Variants in NUDCD3 observed in about 807,000 individuals in gnomAD.
The protein encoded by NUDCD3 is NudC domain containing 3.
NUDCD3 carries 13 observed loss-of-function variants against 39.7 expected under a neutral mutation model. The ratio of observed to expected loss-of-function variants is 0.33; its 90% CI spans 0.21 to 0.52. NUDCD3 has a LOEUF of 0.52. Ranked by LOEUF, NUDCD3 falls within the 20% of genes least tolerant of loss-of-function variation. The pLI is 0.96. For missense variants in NUDCD3, 453 were observed against 458.1 expected (o/e 0.99, Z 0.10); for synonymous variants, 175 against 172.4 (o/e 1.02, Z -0.12).
At chr7:44,444,981 C>T (rs527627434) in intron 2 of NUDCD3, among the ~76,000 whole-genome samples, 1 of 152,330 alleles carries the variant, frequency 6.6e-6, no homozygotes, top group East Asian at 1.9e-4. Context: ...ACCAAACTTG[C>T]CTTTCTGAAT....
chr7:44,480,517 A>G (rs530612520), intron 2 of NUDCD3, among the ~76,000 whole-genome samples: 7 of 152,190 alleles, frequency 4.6e-5, no homozygotes, highest in Non-Finnish European at 1.0e-4. Context: ...AAATATCTGT[A>G]TAAGTCAAGG....
chr7:44,413,932 G>A (rs569699317), intron 3 of NUDCD3, among the ~76,000 whole-genome samples: 107 of 152,064 alleles, frequency 7.0e-4, no homozygotes, highest in Non-Finnish European at 1.2e-3. Flanking sequence ...GTGCACGCTT[G>A]TAGTCCCAGC....
At chr7:44,401,185 C>G (rs117331767) in intron 4 of NUDCD3, among the ~76,000 whole-genome samples, 2,498 of 152,288 alleles carry the variant, frequency 0.016, 25 homozygotes, top group Non-Finnish European at 0.027. Flanking sequence ...CTCTCTGCAT[C>G]CACACGCTCA....
rs1353361825 is a variant in NUDCD3, at chr7:44,383,400, A to C, written c.*2611T>G. ...TTTTCTCCCCACTGGTCAAAATCTT[A>C]CAGGATTTCTAAAGCTGTATTGAGA... is the stretch of plus-strand genomic sequence containing the variant. On this transcript the variant is annotated 3_prime_UTR_variant, in exon 6 of 6. Coordinates refer to ENST00000355451, the MANE Select transcript of NUDCD3 (RefSeq NM_015332.4). 1.3e-5 allele frequency: 2 copies of C among 152,236 alleles called. No homozygotes were observed. The highest frequency in any genetic ancestry group is 2.9e-5 in the Non-Finnish European group (2 of 68,040). 9.4% of individuals were successfully genotyped at this position (152,236 alleles called of 1,614,324 possible).
intron 2 of NUDCD3, among the ~76,000 whole-genome samples, chr7:44,451,893 C>G (rs1428985640): frequency 2.6e-5 from 4 of 151,972 alleles, no homozygotes; most frequent in African/African-American, 9.7e-5. Flanking sequence ...AGAGAAAAAA[C>G]AAAACAAAGT....
intron 2 of NUDCD3, among the ~76,000 whole-genome samples, chr7:44,436,836 C>A (rs1052459986): frequency 1.3e-5 from 2 of 152,076 alleles, no homozygotes; most frequent in Non-Finnish European, 2.9e-5. Flanking sequence ...TTTACAAATT[C>A]TTTCTAGTTA....
intron 2 of NUDCD3, among the ~76,000 whole-genome samples, chr7:44,451,068 A>C (rs1772423610): frequency 6.6e-6 from 1 of 152,234 alleles, no homozygotes; most frequent in South Asian, 2.1e-4. Flanking sequence ...CAATAGCTGA[A>C]AGGTGGAAGG....
chr7:44,465,262 T>A (rs939545871), intron 2 of NUDCD3, among the ~76,000 whole-genome samples: 1 of 152,174 alleles, frequency 6.6e-6, no homozygotes, highest in Non-Finnish European at 1.5e-5. Flanking sequence ...CACATCATTC[T>A]CCCGTAATTC....
intron 2 of NUDCD3, among the ~76,000 whole-genome samples, chr7:44,470,937 A>T (rs530737160): frequency 1.3e-5 from 2 of 152,364 alleles, no homozygotes; most frequent in African/African-American, 4.8e-5. Context: ...GTTACTGAAG[A>T]GTGGCATTCA....
intron 1 of NUDCD3, among the ~76,000 whole-genome samples, chr7:44,488,590 C>G (rs1800666629): frequency 6.6e-6 from 1 of 152,148 alleles, no homozygotes; most frequent in East Asian, 1.9e-4. Flanking sequence ...ATTCCAATAG[C>G]CTATGGGCAG....
intron 3 of NUDCD3, among the ~76,000 whole-genome samples, chr7:44,407,421 C>T (rs1351026068): frequency 6.6e-6 from 1 of 151,812 alleles, no homozygotes; most frequent in Non-Finnish European, 1.5e-5. Context: ...CAAAATTAGC[C>T]AGGCGTGGTG....
chr7:44,482,088 T>C (rs751874663), intron 2 of NUDCD3, among the ~76,000 whole-genome samples: 1 of 152,230 alleles, frequency 6.6e-6, no homozygotes. Flanking sequence ...AACAACTTTG[T>C]ATATTAAATC....
At chr7:44,433,086 G>A (rs1472859057) in intron 2 of NUDCD3, among the ~76,000 whole-genome samples, 1 of 152,152 alleles carries the variant, frequency 6.6e-6, no homozygotes, top group Admixed American at 6.5e-5. Flanking sequence ...ACTATGGGAG[G>A]ACACCACAAG....
chr7:44,461,534 G>A (rs1037316683), intron 2 of NUDCD3, among the ~76,000 whole-genome samples: 3 of 152,212 alleles, frequency 2.0e-5, no homozygotes, highest in Non-Finnish European at 2.9e-5. Context: ...TGTTAGGGAT[G>A]CTATGGGAAG....
chr7:44,436,338 G>A (rs1231334161), intron 2 of NUDCD3, among the ~76,000 whole-genome samples: 2 of 152,184 alleles, frequency 1.3e-5, no homozygotes, highest in Non-Finnish European at 2.9e-5. Context: ...ATGTCGTGTT[G>A]CTAAGTGATG....
At chr7:44,412,161 A>G (rs1197372241) in intron 3 of NUDCD3, among the ~76,000 whole-genome samples, 2 of 152,228 alleles carry the variant, frequency 1.3e-5, no homozygotes, top group Admixed American at 6.5e-5. Context: ...GTCCCTTACC[A>G]AACAATAAAT....
intron 2 of NUDCD3, among the ~76,000 whole-genome samples, chr7:44,462,911 T>C (rs1034257322): frequency 2.0e-4 from 30 of 152,126 alleles, no homozygotes; most frequent in African/African-American, 6.8e-4. Flanking sequence ...ACACTGCCTG[T>C]GTATTCTGGG....
intron 2 of NUDCD3, chr7:44,468,349 C>CAAAAAAAAAAAAAAAAAAAAATAA: frequency 2.7e-6 from 1 of 375,658 alleles, no homozygotes; most frequent in South Asian, 3.9e-5. Context: ...GTAAAAACTG[C>CAAAAAAAAAAAAAAAAAAAAATAA]AAAAAAAAAA....
chr7:44,480,941 C>CAAAAAAAAAAA (rs1164765600), intron 2 of NUDCD3, among the ~76,000 whole-genome samples: 2 of 34,870 alleles, frequency 5.7e-5, no homozygotes, highest in African/African-American at 1.1e-4. Flanking sequence ...GACCCAGTAT[C>CAAAAAAAAAAA]AAAAAAAAAA....
Sources: gnomAD v4.1 joint callset for allele counts (sites outside exome capture counted in the v4.1 genomes callset) on GRCh38, gnomAD v4.1.1 for gene constraint, MANE v1.5 for transcripts, NCBI Gene and HGNC (gene_info 2026-07-23, HGNC 2026-07-21) for gene names.